The following NKAIN2 variants were observed in gnomAD, a reference collection of about 807,000 sequenced individuals.
NKAIN2 encodes the protein sodium/potassium-transporting ATPase subunit beta-1-interacting protein 2.
In NKAIN2, 14 loss-of-function variants were observed where a neutral mutation model predicts 32.6. That is an observed-to-expected ratio of 0.43 (90% CI 0.28 to 0.67). The LOEUF (loss-of-function observed/expected upper bound fraction) is 0.67. Ranked by LOEUF, NKAIN2 falls within the 30% of genes least tolerant of loss-of-function variation. The pLI is 0.17. For missense variants in NKAIN2, 198 were observed against 258.3 expected (o/e 0.77, Z 1.60); for synonymous variants, 80 against 87.2 (o/e 0.92, Z 0.46).
intron 4 of NKAIN2, among the ~76,000 whole-genome samples, chr6:124,711,995 T>A (rs1261490695): frequency 2.0e-5 from 3 of 152,100 alleles, no homozygotes; most frequent in Admixed American, 2.0e-4. Context: ...AGATGGGTTT[T>A]TGGTGTGGAT....
At chr6:124,516,976 A>G (rs779235748) in intron 3 of NKAIN2, among the ~76,000 whole-genome samples, 31 of 152,270 alleles carry the variant, frequency 2.0e-4, no homozygotes, top group South Asian at 1.4e-3. Context: ...TCTGCAAGGG[A>G]CATCTTGTTA....
intron 3 of NKAIN2, among the ~76,000 whole-genome samples, chr6:124,645,161 T>C (rs1363515997): frequency 2.0e-5 from 3 of 152,120 alleles, no homozygotes; most frequent in Non-Finnish European, 1.5e-5. Flanking sequence ...GATTGGCAAG[T>C]GAGCAGAAAG....
intron 2 of NKAIN2, among the ~76,000 whole-genome samples, chr6:124,344,181 A>G (rs1278905925): frequency 1.3e-5 from 2 of 152,114 alleles, no homozygotes; most frequent in African/African-American, 4.8e-5. Context: ...GTTCTGTCAC[A>G]TTGATCTATA....
chr6:124,505,701 T>G (rs972943778), intron 3 of NKAIN2, among the ~76,000 whole-genome samples: 1 of 152,040 alleles, frequency 6.6e-6, no homozygotes, highest in East Asian at 1.9e-4. Flanking sequence ...GGGGCATAAG[T>G]TTGGGTCCTC....
intron 3 of NKAIN2, among the ~76,000 whole-genome samples, chr6:124,633,166 TG>T (rs1405813605): frequency 6.6e-6 from 1 of 152,148 alleles, no homozygotes; most frequent in African/African-American, 2.4e-5. Flanking sequence ...GAAAGTACAG[TG>T]GGAAGTCAGA....
chr6:124,250,133 T>C (rs1202598308), intron 1 of NKAIN2, among the ~76,000 whole-genome samples: 1 of 152,130 alleles, frequency 6.6e-6, no homozygotes, highest in African/African-American at 2.4e-5. Flanking sequence ...GTTTCCACCA[T>C]GTGAGATTGT....
chr6:124,028,092 G>A (rs769868647), intron 1 of NKAIN2, among the ~76,000 whole-genome samples: 9 of 151,976 alleles, frequency 5.9e-5, no homozygotes, highest in Non-Finnish European at 1.3e-4. Context: ...TTCACCCTTA[G>A]TGTTACTTAG....
chr6:124,409,152 G>C (rs1412981523), intron 3 of NKAIN2, among the ~76,000 whole-genome samples: 1 of 152,150 alleles, frequency 6.6e-6, no homozygotes. Flanking sequence ...GGGACAATTT[G>C]ACTTCCTCTT....
chr6:124,107,220 G>A (rs1582656563), intron 1 of NKAIN2, among the ~76,000 whole-genome samples: 2 of 152,176 alleles, frequency 1.3e-5, no homozygotes. Context: ...GAGTGAGGCC[G>A]TACCCGCAGA....
At chr6:124,785,504 T>A (rs1390185681) in intron 4 of NKAIN2, among the ~76,000 whole-genome samples, 2 of 152,164 alleles carry the variant, frequency 1.3e-5, no homozygotes, top group Non-Finnish European at 2.9e-5. Context: ...TATGAGACCC[T>A]AGATCTTAAT....
intron 4 of NKAIN2, among the ~76,000 whole-genome samples, chr6:124,771,341 C>T (rs1318637787): frequency 1.3e-5 from 2 of 152,120 alleles, no homozygotes; most frequent in East Asian, 3.8e-4. Context: ...CCAGCAATCT[C>T]ATTTGGAATA....
chr6:124,821,063 G>A (rs145041884), intron 6 of NKAIN2, among the ~76,000 whole-genome samples: 1,613 of 152,264 alleles, frequency 0.011, 40 homozygotes, highest in African/African-American at 0.037. Flanking sequence ...GGGAGGCCGA[G>A]ACAGGTGGAT....
At chr6:124,069,794 G>T (rs899611469) in intron 1 of NKAIN2, among the ~76,000 whole-genome samples, 3 of 152,150 alleles carry the variant, frequency 2.0e-5, no homozygotes, top group Non-Finnish European at 4.4e-5. Flanking sequence ...ATGGCTACTG[G>T]AGCTCAGCAG....
intron 3 of NKAIN2, among the ~76,000 whole-genome samples, chr6:124,416,884 C>T (rs550239409): frequency 6.6e-6 from 1 of 152,104 alleles, no homozygotes; most frequent in Admixed American, 6.5e-5. Flanking sequence ...CTCTACAGAC[C>T]AGGATTTCAG....
intron 3 of NKAIN2, among the ~76,000 whole-genome samples, chr6:124,558,378 A>C (rs778835510): frequency 2.0e-5 from 3 of 152,112 alleles, no homozygotes; most frequent in Non-Finnish European, 4.4e-5. Context: ...TAGGTTAGTC[A>C]GTCTCACCCC....
intron 3 of NKAIN2, among the ~76,000 whole-genome samples, chr6:124,628,462 C>T (rs1783440562): frequency 6.6e-6 from 1 of 152,074 alleles, no homozygotes; most frequent in Admixed American, 6.6e-5. Context: ...ATGAAATAGA[C>T]TCTTTCAGGT....
intron 3 of NKAIN2, among the ~76,000 whole-genome samples, chr6:124,533,746 A>G (rs577535714): frequency 5.9e-5 from 9 of 152,184 alleles, no homozygotes; most frequent in Non-Finnish European, 1.3e-4. Context: ...CTAACAAATT[A>G]CTATGGAATG....
chr6:124,398,252 C>CAAAAAAAAAAAAAAAAAAAAAAAAAAAA (rs869039720), intron 3 of NKAIN2, among the ~76,000 whole-genome samples: 5 of 69,072 alleles, frequency 7.2e-5, no homozygotes, highest in African/African-American at 3.1e-4. Context: ...GACTGCATCT[C>CAAAAAAAAAAAAAAAAAAAAAAAAAAAA]AAAAAAAAAA....
At chr6:124,811,075 G>A (rs765130552) in intron 5 of NKAIN2, among the ~76,000 whole-genome samples, 8 of 152,082 alleles carry the variant, frequency 5.3e-5, no homozygotes, top group African/African-American at 1.9e-4. Context: ...TATGTTTTAC[G>A]TTCCTTTTGT....
Sources: gnomAD v4.1 joint callset for allele counts (sites outside exome capture counted in the v4.1 genomes callset) on GRCh38, gnomAD v4.1.1 for gene constraint, MANE v1.5 for transcripts, NCBI Gene and HGNC (gene_info 2026-07-23, HGNC 2026-07-21) for gene names.